Variants in MTUS2 observed in about 807,000 individuals in gnomAD.
MTUS2 encodes microtubule-associated tumor suppressor candidate 2.
MTUS2 carries 40 observed loss-of-function variants against 114.1 expected under a neutral mutation model. The observed-to-expected ratio is 0.35, with a 90% confidence interval of 0.27 to 0.46. The LOEUF is 0.46. Ranked by LOEUF, MTUS2 falls within the 20% of genes least tolerant of loss-of-function variation. The pLI, the probability that MTUS2 is intolerant of heterozygous loss-of-function variation, is 1.00. For synonymous variants in MTUS2, 688 were observed against 672.0 expected (o/e 1.02, Z -0.37); for missense variants, 1,679 against 1,705.4 (o/e 0.98, Z 0.27).
At chr13:29,000,529 A>G (rs1566282377) in intron 2 of MTUS2, among the ~76,000 whole-genome samples, 2 of 151,572 alleles carry the variant, frequency 1.3e-5, no homozygotes, top group African/African-American at 4.8e-5. Context: ...CACCCGGGTA[A>G]TTTTTTTTGT....
chr13:28,846,434 A>G (rs1566173737), intron 2 of MTUS2, among the ~76,000 whole-genome samples: 1 of 152,256 alleles, frequency 6.6e-6, no homozygotes, highest in Non-Finnish European at 1.5e-5. Flanking sequence ...CCACCAGGAC[A>G]TACAGATACA....
chr13:29,455,281 G>C (rs1034949816), intron 9 of MTUS2, among the ~76,000 whole-genome samples: 1 of 152,178 alleles, frequency 6.6e-6, no homozygotes, highest in Non-Finnish European at 1.5e-5. Context: ...CACATATTCA[G>C]AGGGCCTGCA....
At chr13:29,492,316 G>A (rs565871458) in intron 11 of MTUS2, among the ~76,000 whole-genome samples, 117 of 151,486 alleles carry the variant, frequency 7.7e-4, no homozygotes, top group African/African-American at 2.6e-3. Context: ...GTGTGTATGT[G>A]TATGTGTGGC....
At chr13:28,958,391 A>G (rs1883170594) in intron 2 of MTUS2, among the ~76,000 whole-genome samples, 1 of 152,232 alleles carries the variant, frequency 6.6e-6, no homozygotes, top group Non-Finnish European at 1.5e-5. Flanking sequence ...ATTTAAGATC[A>G]TTTATATCCA....
At chr13:28,974,028 C>T (rs1883975665) in intron 2 of MTUS2, among the ~76,000 whole-genome samples, 1 of 152,086 alleles carries the variant, frequency 6.6e-6, no homozygotes. Context: ...AACAGTTCTT[C>T]ACTCCTTCAG....
intron 2 of MTUS2, among the ~76,000 whole-genome samples, chr13:28,907,739 C>T (rs1477219622): frequency 1.3e-5 from 2 of 151,522 alleles, no homozygotes; most frequent in South Asian, 4.2e-4. Flanking sequence ...ACAGGAGCAC[C>T]CAAATTCATA....
chr13:29,376,512 A>C (rs528238087), intron 8 of MTUS2, among the ~76,000 whole-genome samples: 1 of 152,354 alleles, frequency 6.6e-6, no homozygotes, highest in Non-Finnish European at 1.5e-5. Flanking sequence ...GAACATAAAC[A>C]CAGAGAATAG....
At chr13:29,060,423 A>T (rs1888357177) in intron 4 of MTUS2, among the ~76,000 whole-genome samples, 1 of 151,972 alleles carries the variant, frequency 6.6e-6, no homozygotes. Flanking sequence ...TTTGCAAGTC[A>T]GAGAGGCTCT....
At chr13:29,479,988 G>T in intron 9 of MTUS2, 162 bp from the exon 10 acceptor site, 1 of 638,002 alleles carries the variant, frequency 1.6e-6, no homozygotes, top group Non-Finnish European at 2.7e-6. Flanking sequence ...AGGATCTAAT[G>T]GGTGGAAAGG....
chr13:28,977,703 C>T (rs1261715440), intron 2 of MTUS2, among the ~76,000 whole-genome samples: 2 of 152,074 alleles, frequency 1.3e-5, no homozygotes, highest in Non-Finnish European at 2.9e-5. Context: ...AAAATTTTCC[C>T]TTCACTGGGG....
intron 9 of MTUS2, among the ~76,000 whole-genome samples, chr13:29,442,382 A>G (rs1454779233): frequency 6.6e-6 from 1 of 152,202 alleles, no homozygotes; most frequent in Non-Finnish European, 1.5e-5. Flanking sequence ...GAAAGAAAAC[A>G]ATATATTTTT....
intron 2 of MTUS2, among the ~76,000 whole-genome samples, chr13:28,964,389 A>G (rs1883478540): frequency 6.6e-6 from 1 of 152,170 alleles, no homozygotes; most frequent in African/African-American, 2.4e-5. Flanking sequence ...ATTAAGAGAA[A>G]TTTGAAAATG....
chr13:28,963,807 G>T (rs1274013522), intron 2 of MTUS2, among the ~76,000 whole-genome samples: 13 of 152,126 alleles, frequency 8.5e-5, no homozygotes, highest in Admixed American at 8.5e-4. Context: ...AGCTGCAGTG[G>T]TCACTTCAGT....
intron 6 of MTUS2, among the ~76,000 whole-genome samples, chr13:29,297,062 G>A (rs1266137740): frequency 6.6e-6 from 1 of 151,948 alleles, no homozygotes; most frequent in Admixed American, 6.6e-5. Context: ...TTTTCTTCTA[G>A]TATTTTCATA....
At chr13:29,162,896 A>G (rs1204709466) in intron 5 of MTUS2, among the ~76,000 whole-genome samples, 3 of 152,200 alleles carry the variant, frequency 2.0e-5, no homozygotes, top group African/African-American at 7.2e-5. Flanking sequence ...TTTGATCATT[A>G]TCTGCTGTGG....
intron 4 of MTUS2, among the ~76,000 whole-genome samples, chr13:29,050,252 C>T (rs1382019214): frequency 6.6e-6 from 1 of 152,112 alleles, no homozygotes; most frequent in Non-Finnish European, 1.5e-5. Flanking sequence ...ACTAGATACC[C>T]AATCAGTTTT....
chr13:29,155,975 C>T (rs1892842870), intron 5 of MTUS2, among the ~76,000 whole-genome samples: 1 of 152,060 alleles, frequency 6.6e-6, no homozygotes, highest in Non-Finnish European at 1.5e-5. Flanking sequence ...TCTGAATGGA[C>T]AGTAACCATA....
At chr13:29,146,492 C>A (rs1013050832) in intron 5 of MTUS2, among the ~76,000 whole-genome samples, 1 of 152,190 alleles carries the variant, frequency 6.6e-6, no homozygotes, top group Non-Finnish European at 1.5e-5. Flanking sequence ...CTGAACAATT[C>A]ATACTACAGA....
intron 2 of MTUS2, among the ~76,000 whole-genome samples, chr13:28,982,628 A>C (rs1455415427): frequency 1.3e-5 from 2 of 152,214 alleles, no homozygotes; most frequent in African/African-American, 4.8e-5. Flanking sequence ...CTAACTGCCC[A>C]CTGACACTTG....
Sources: allele counts gnomAD v4.1 joint callset (sites outside exome capture counted in the v4.1 genomes callset), GRCh38; gene constraint gnomAD v4.1.1; transcripts MANE v1.5; gene names NCBI Gene and HGNC (gene_info 2026-07-23, HGNC 2026-07-21).